The following SOX6 variants were observed in gnomAD, a reference collection of about 807,000 sequenced individuals.
The protein encoded by SOX6 is SRY-box transcription factor 6, also known as transcription factor SOX-6.
Under a neutral mutation model 97.8 loss-of-function variants are expected in SOX6, and 11 were observed. The observed-to-expected ratio is 0.11, with a 90% confidence interval of 0.07 to 0.19. The LOEUF (loss-of-function observed/expected upper bound fraction) is 0.19, where lower values mean the gene tolerates loss of function less well. Among genes scored for constraint, SOX6 ranks in the 10% least tolerant of loss-of-function variants. SOX6 has a pLI of 1.00. For synonymous variants in SOX6, 360 were observed against 371.4 expected (o/e 0.97, Z 0.35); for missense variants, 810 against 1,039.5 (o/e 0.78, Z 3.04).
At chr11:16,435,421 A>C (rs1477707247) in intron 1 of SOX6, among the ~76,000 whole-genome samples, 2 of 152,174 alleles carry the variant, frequency 1.3e-5, no homozygotes, top group Non-Finnish European at 2.9e-5. Flanking sequence ...AAAGCATAAA[A>C]CTTGTATGTA....
intron 1 of SOX6, among the ~76,000 whole-genome samples, chr11:16,393,131 C>CA (rs1858235809): frequency 6.6e-6 from 1 of 152,024 alleles, no homozygotes; most frequent in South Asian, 2.1e-4. Context: ...TCTAGCGCTC[C>CA]ACAGTTTCAC....
intron 4 of SOX6, among the ~76,000 whole-genome samples, chr11:16,611,927 T>G (rs1372867614): frequency 6.6e-6 from 1 of 151,962 alleles, no homozygotes; most frequent in Non-Finnish European, 1.5e-5. Flanking sequence ...CAAAGAAAAA[T>G]AAAGATAAAT....
At chr11:16,438,611 G>A (rs767465414) in intron 1 of SOX6, among the ~76,000 whole-genome samples, 2 of 151,860 alleles carry the variant, frequency 1.3e-5, no homozygotes, top group Non-Finnish European at 2.9e-5. Context: ...TATAAATAGT[G>A]TATCAGGCTC....
chr11:16,090,379 G>C (rs1412693508), intron 9 of SOX6, among the ~76,000 whole-genome samples: 1 of 152,042 alleles, frequency 6.6e-6, no homozygotes, highest in Non-Finnish European at 1.5e-5. Context: ...AGTTCCAAAA[G>C]AAAATCCAGT....
chr11:15,969,027 T>A lies in SOX6; in HGVS notation c.*3782A>T, dbSNP rs1853223298. 6.6e-6 allele frequency: 1 copy of A among 152,078 alleles called. No homozygotes were observed. Among genetic ancestry groups the A allele is most frequent in the Non-Finnish European group, 1.5e-5 (1 of 68,012 alleles). 9.4% of individuals were successfully genotyped at this position (152,078 alleles called of 1,614,324 possible). A position where few individuals can be genotyped will look rare whatever the true frequency, so the allele number is the denominator to read the frequency against. ...TTTTTCTCTCTCCCTTCCTACTTTT[T>A]TCCTTTCTTCCTTCTTTTCTCCTTT... On this transcript the variant is annotated 3_prime_UTR_variant, in exon 16 of 16. Transcript: ENST00000683767.
At chr11:16,166,904 A>G (rs1185207708) in intron 6 of SOX6, among the ~76,000 whole-genome samples, 1 of 152,206 alleles carries the variant, frequency 6.6e-6, no homozygotes, top group Non-Finnish European at 1.5e-5. Context: ...AGTACAAAGT[A>G]AAGCTAGAAA....
chr11:16,547,287 AG>A (rs1847632331), intron 4 of SOX6, among the ~76,000 whole-genome samples: 1 of 152,198 alleles, frequency 6.6e-6, no homozygotes. Flanking sequence ...AAAGGAAATC[AG>A]CATGTCAAAG....
chr11:16,421,039 G>GA (rs993308735), intron 1 of SOX6, among the ~76,000 whole-genome samples: 22 of 151,856 alleles, frequency 1.4e-4, no homozygotes, highest in African/African-American at 4.8e-4. Context: ...GACAATGTGA[G>GA]AAAAAAAATG....
intron 11 of SOX6, among the ~76,000 whole-genome samples, chr11:16,047,371 G>A (rs147909313): frequency 0.01 from 1,593 of 151,994 alleles, 15 homozygotes; most frequent in Middle Eastern, 0.02. Context: ...CCCCCAGCTC[G>A]AACACCCACT....
intron 2 of SOX6, among the ~76,000 whole-genome samples, chr11:16,733,442 C>A (rs564361432): frequency 6.6e-6 from 1 of 152,140 alleles, no homozygotes; most frequent in African/African-American, 2.4e-5. Flanking sequence ...ATGGATAAAG[C>A]TGGAAACCAT....
chr11:16,022,578 C>T (rs1475884789), intron 12 of SOX6, among the ~76,000 whole-genome samples: 1 of 151,822 alleles, frequency 6.6e-6, no homozygotes, highest in Non-Finnish European at 1.5e-5. Context: ...ACCCGGCTAA[C>T]TTTTTTGTAT....
At chr11:16,632,960 G>A (rs1315795945) in intron 3 of SOX6, among the ~76,000 whole-genome samples, 1 of 152,112 alleles carries the variant, frequency 6.6e-6, no homozygotes, top group Non-Finnish European at 1.5e-5. Flanking sequence ...CACAGGAAGG[G>A]TAGGGTTGCT....
At chr11:16,310,488 A>C (rs1198853302) in intron 3 of SOX6, among the ~76,000 whole-genome samples, 1 of 152,140 alleles carries the variant, frequency 6.6e-6, no homozygotes, top group Non-Finnish European at 1.5e-5. Context: ...AGTATTTACT[A>C]TGAATATGAT....
intron 14 of SOX6, 125 bp downstream of exon 14, chr11:15,988,872 T>G: frequency 1.1e-6 from 1 of 928,564 alleles, no homozygotes; most frequent in South Asian, 1.5e-5. Context: ...CTGGCTGACC[T>G]TCGTCTAACT....
intron 3 of SOX6, among the ~76,000 whole-genome samples, chr11:16,305,458 G>C (rs576385632): frequency 1.3e-5 from 2 of 152,270 alleles, no homozygotes; most frequent in South Asian, 4.1e-4. Flanking sequence ...CATTGTGGGT[G>C]GCAATGTAAA....
At chr11:16,050,284 T>G (rs750855757) in intron 10 of SOX6, among the ~76,000 whole-genome samples, 1 of 152,228 alleles carries the variant, frequency 6.6e-6, no homozygotes, top group Non-Finnish European at 1.5e-5. Context: ...AGCAGCTCTG[T>G]AGTGCTTTTG....
intron 2 of SOX6, among the ~76,000 whole-genome samples, chr11:16,728,640 T>G (rs1395902667): frequency 6.6e-6 from 1 of 152,032 alleles, no homozygotes; most frequent in Non-Finnish European, 1.5e-5. Context: ...AGTACAAAAA[T>G]GCTGAAAATT....
At chr11:16,210,749 T>C (rs1033397390) in intron 4 of SOX6, among the ~76,000 whole-genome samples, 2 of 152,192 alleles carry the variant, frequency 1.3e-5, no homozygotes, top group Non-Finnish European at 2.9e-5. Context: ...AATCGTTCAA[T>C]AAATATAATT....
chr11:16,350,158 A>G (rs1460533728), intron 1 of SOX6, among the ~76,000 whole-genome samples: 1 of 152,202 alleles, frequency 6.6e-6, no homozygotes, highest in Non-Finnish European at 1.5e-5. Context: ...TAATGCTTTC[A>G]TCTGGTATCA....
Sources: allele counts gnomAD v4.1 joint callset (sites outside exome capture counted in the v4.1 genomes callset), GRCh38; gene constraint gnomAD v4.1.1; transcripts MANE v1.5; gene names NCBI Gene and HGNC (gene_info 2026-07-23, HGNC 2026-07-21).